Variants in CREBBP observed in about 807,000 individuals in gnomAD.
The protein encoded by CREBBP is CREB-binding protein.
Under a neutral mutation model 265.0 loss-of-function variants are expected in CREBBP, and 19 were observed. The observed-to-expected ratio is 0.07, with a 90% CI of 0.05 to 0.11. The LOEUF is 0.11. Among genes scored for constraint, CREBBP ranks in the 10% least tolerant of loss-of-function variants. The pLI, the probability that CREBBP is intolerant of heterozygous loss-of-function variation, is 1.00. For missense variants in CREBBP, 2,525 were observed against 3,219.0 expected (o/e 0.78, Z 5.22); for synonymous variants, 1,457 against 1,223.7 (o/e 1.19, Z -3.98).
intron 23 of CREBBP, chr16:3,741,360 C>T (rs1395938349): frequency 6.6e-6 from 1 of 152,242 alleles, no homozygotes; most frequent in African/African-American, 2.4e-5. Flanking sequence ...ATATTTCCTA[C>T]ATTAGTGAGA....
At chr16:3,875,972 T>C (rs2055391183) in intron 1 of CREBBP, among the ~76,000 whole-genome samples, 1 of 152,180 alleles carries the variant, frequency 6.6e-6, no homozygotes, top group Admixed American at 6.5e-5. Flanking sequence ...TAATCACAAC[T>C]GCTTAGAGCC....
intron 3 of CREBBP, among the ~76,000 whole-genome samples, chr16:3,809,752 A>C (rs2053899851): frequency 6.6e-6 from 1 of 152,204 alleles, no homozygotes; most frequent in South Asian, 2.1e-4. Flanking sequence ...AATACTTCAA[A>C]ATAAAAAGCA....
At chr16:3,768,156 T>TTTTTTG in intron 15 of CREBBP, among the ~76,000 whole-genome samples, 1 of 125,774 alleles carries the variant, frequency 8.0e-6, no homozygotes, top group Non-Finnish European at 1.6e-5. Context: ...TTTTTTTTTT[T>TTTTTTG]TTTTTTTTTT....
intron 16 of CREBBP, among the ~76,000 whole-genome samples, chr16:3,761,254 C>T (rs1355538735): frequency 6.6e-6 from 1 of 152,056 alleles, no homozygotes; most frequent in East Asian, 1.9e-4. Flanking sequence ...CCACCATGCC[C>T]GGCTGAAAAG....
At chr16:3,859,130 T>C (rs1253118092) in intron 1 of CREBBP, among the ~76,000 whole-genome samples, 1 of 152,206 alleles carries the variant, frequency 6.6e-6, no homozygotes, top group Non-Finnish European at 1.5e-5. Flanking sequence ...GTATTTGGTC[T>C]TCCACCCTGT....
Position 3,737,027 on chromosome 16 carries a change from C to G in CREBBP, c.4395-212G>C, listed in dbSNP as rs569793175. 3.6e-4 allele frequency: 230 copies of G among 630,302 alleles called. 1 individual carries two copies. The highest frequency in any genetic ancestry group is 3.5e-3 in the African/African-American group (195 of 55,114). 39.0% of individuals were successfully genotyped at this position (630,302 alleles called of 1,614,324 possible). A position where few individuals can be genotyped will look rare whatever the true frequency, so the allele number is the denominator to read the frequency against. On this transcript the variant is annotated intron_variant, in intron 26 of 30. Transcript: ENST00000262367. Reference sequence around the variant, plus strand: ...GCAAATTAGCCCTGCAACACTTCTCCCTTGGGGTGCACACACAGGGCAGGG... The same window carrying G: ...GCAAATTAGCCCTGCAACACTTCTCGCTTGGGGTGCACACACAGGGCAGGG...
intron 3 of CREBBP, among the ~76,000 whole-genome samples, chr16:3,801,035 G>A (rs959410632): frequency 6.6e-6 from 1 of 152,174 alleles, no homozygotes; most frequent in Non-Finnish European, 1.5e-5. Context: ...AGGTACAGCA[G>A]TTCATTGAAG....
chr16:3,823,779 G>A (rs937784507), intron 2 of CREBBP, among the ~76,000 whole-genome samples: 1 of 152,068 alleles, frequency 6.6e-6, no homozygotes, highest in Non-Finnish European at 1.5e-5. Flanking sequence ...GGACCTGAAT[G>A]CATTTAGTTC....
intron 16 of CREBBP, among the ~76,000 whole-genome samples, chr16:3,764,152 G>A (rs978394812): frequency 4.6e-5 from 7 of 151,210 alleles, no homozygotes; most frequent in African/African-American, 1.7e-4. Context: ...TCTTTTTTTT[G>A]GGTAGAGATG....
rs1489860615 is a variant in CREBBP, at chr16:3,728,737, G to C, written c.6310C>G (p.Arg2104Gly). 6.2e-7 allele frequency: 1 copy of C among 1,613,886 alleles called. No individual in the cohort carries two copies. Among genetic ancestry groups the C allele is most frequent in the Non-Finnish European group, 8.5e-7 (1 of 1,179,988 alleles). The change falls in exon 31 of 31, where the codon CGC becomes GGC. Residue 2104 changes from arginine (R) to glycine (G), a missense_variant. This residue lies in a region of CREBBP where 473 missense variants were observed against 459.3 expected (regional missense o/e 1.03). Transcript: ENST00000262367. The surrounding 1 kb of genome is among the most constrained non-coding windows in gnomAD (Gnocchi z 8.7). Reference sequence around the variant, plus strand: ...TGATTGGCCACGTACTTGGCTGTGCGCTGTTTGATGAAAGCTGCCATTAGC... The same window carrying C: ...TGATTGGCCACGTACTTGGCTGTGCCCTGTTTGATGAAAGCTGCCATTAGC... ...PQLMAAFIKQ[R>G]TAKYVANQPG... is the part of the protein sequence containing the mutation.
At chr16:3,765,583 C>T (rs1269605767) in intron 16 of CREBBP, among the ~76,000 whole-genome samples, 1 of 152,154 alleles carries the variant, frequency 6.6e-6, no homozygotes, top group East Asian at 1.9e-4. Flanking sequence ...AAAATTTGGG[C>T]TTTCATAAAA....
At chr16:3,808,349 G>T (rs972460227) in intron 3 of CREBBP, among the ~76,000 whole-genome samples, 1 of 152,210 alleles carries the variant, frequency 6.6e-6, no homozygotes, top group African/African-American at 2.4e-5. Flanking sequence ...GGTGCCTTGA[G>T]CCATTTTTGA....
intron 2 of CREBBP, among the ~76,000 whole-genome samples, chr16:3,820,017 C>T (rs1285227305): frequency 6.6e-6 from 1 of 152,072 alleles, no homozygotes; most frequent in Non-Finnish European, 1.5e-5. Flanking sequence ...CATGTAAAAC[C>T]ACAAATTCAT....
chr16:3,822,726 G>A (rs1474846668), intron 2 of CREBBP, among the ~76,000 whole-genome samples: 2 of 152,212 alleles, frequency 1.3e-5, no homozygotes, highest in African/African-American at 4.8e-5. Flanking sequence ...TCAAAAATAT[G>A]TGGCTCTACC....
chr16:3,821,098 C>T (rs968818188), intron 2 of CREBBP, among the ~76,000 whole-genome samples: 2 of 152,218 alleles, frequency 1.3e-5, no homozygotes, highest in African/African-American at 4.8e-5. Flanking sequence ...AGCCATGTAA[C>T]TGGGACAAAC....
At chr16:3,745,168 A>C in intron 22 of CREBBP, 109 bp downstream of exon 22, 3 of 1,094,690 alleles carry the variant, frequency 2.7e-6, no homozygotes, top group Non-Finnish European at 4.1e-6. Context: ...CATCTCTCTT[A>C]ATCGCTGAAT....
In CREBBP at chr16:3,738,663, G is replaced by T. The variant is rs1596810465; in HGVS notation, c.4290C>A (p.Tyr1430Ter). 6.2e-7 allele frequency: 1 copy of T among 1,610,396 alleles called. No individual in the cohort carries two copies. The highest frequency in any genetic ancestry group is 8.5e-7 in the Non-Finnish European group (1 of 1,176,882). Residue 1430 changes from tyrosine (Y) to a stop codon, truncating the protein, a stop_gained, in exon 26 of 31, where the codon TAC becomes TAA. Transcript: ENST00000262367. LOFTEE classifies it high-confidence loss of function. Reference sequence around the variant, plus strand: ...AATGAATACTATCCAGATAAGAAATGTACACACGCCTGTGGGAAGGAGGCA... The same window carrying T: ...AATGAATACTATCCAGATAAGAAATTTACACACGCCTGTGGGAAGGAGGCA... ...DCPPPNTRRV[Y>*]ISYLDSIHFF...
At chr16:3,729,971 G>A (rs1222725980) in intron 30 of CREBBP, 97 bp from the exon 31 acceptor site, 2 of 1,545,438 alleles carry the variant, frequency 1.3e-6, no homozygotes, top group Non-Finnish European at 1.7e-6. Flanking sequence ...CTGGGTCTGT[G>A]CCAGGAGACC....
At chr16:3,823,201 C>T (rs2054173827) in intron 2 of CREBBP, among the ~76,000 whole-genome samples, 1 of 152,146 alleles carries the variant, frequency 6.6e-6, no homozygotes, top group African/African-American at 2.4e-5. Flanking sequence ...CTATACAAAG[C>T]ATTATTTTAA....
Sources: allele counts gnomAD v4.1 joint callset (sites outside exome capture counted in the v4.1 genomes callset), GRCh38; gene constraint gnomAD v4.1.1; regional missense constraint gnomAD v4.1.1; non-coding constraint Gnocchi (gnomAD v3.1); transcripts MANE v1.5; gene names NCBI Gene and HGNC (gene_info 2026-07-23, HGNC 2026-07-21).